Variants in ARPP21 observed in about 807,000 individuals in gnomAD.
The protein encoded by ARPP21 is cAMP regulated phosphoprotein 21, also known as cAMP-regulated phosphoprotein 21.
Under a neutral mutation model 113.2 loss-of-function variants are expected in ARPP21, and 69 were observed. The observed-to-expected ratio is 0.61, with a 90% CI of 0.50 to 0.74. The LOEUF (loss-of-function observed/expected upper bound fraction) is 0.74. Ranked by LOEUF, ARPP21 falls within the 30% of genes least tolerant of loss-of-function variation. ARPP21 has a pLI of 0.00. For synonymous variants in ARPP21, 368 were observed against 375.5 expected (o/e 0.98, Z 0.23); for missense variants, 1,070 against 1,037.4 (o/e 1.03, Z -0.43).
At chr3:35,683,694 C>T (rs2079649340) in intron 4 of ARPP21, 32 bp from the exon 5 acceptor site, 2 of 838,666 alleles carry the variant, frequency 2.4e-6, no homozygotes, top group South Asian at 1.4e-5. Context: ...TCTTTATTTT[C>T]CTTTCCTTCC....
chr3:35,646,524 T>C (rs1365389220), intron 1 of ARPP21, among the ~76,000 whole-genome samples: 2 of 152,124 alleles, frequency 1.3e-5, no homozygotes, highest in Non-Finnish European at 2.9e-5. Context: ...TCAATGCTTC[T>C]TTAAAACAAT....
intron 2 of ARPP21, 47 bp from the exon 3 acceptor site, chr3:35,681,667 G>A (rs2078973690): frequency 1.0e-6 from 1 of 967,130 alleles, no homozygotes. Flanking sequence ...AAGAATGATA[G>A]TAAATACCTT....
intron 19 of ARPP21, among the ~76,000 whole-genome samples, chr3:35,756,552 T>A (rs2095577875): frequency 6.6e-6 from 1 of 151,954 alleles, no homozygotes; most frequent in Non-Finnish European, 1.5e-5. Flanking sequence ...ATAGTTTTGA[T>A]GGCTCTTCAG....
At chr3:35,707,126 A>T in intron 10 of ARPP21, 44 bp downstream of exon 10, 1 of 1,466,292 alleles carries the variant, frequency 6.8e-7, no homozygotes. Flanking sequence ...TTGTTTTTGA[A>T]GGTGGGCTGA....
chr3:35,646,026 G>A (rs1466021264), intron 1 of ARPP21, among the ~76,000 whole-genome samples: 2 of 151,668 alleles, frequency 1.3e-5, no homozygotes, highest in East Asian at 1.9e-4. Context: ...GCTTTGACAC[G>A]TAAATCAGAA....
intron 1 of ARPP21, among the ~76,000 whole-genome samples, chr3:35,673,408 G>T (rs1018955729): frequency 3.9e-5 from 6 of 151,902 alleles, no homozygotes; most frequent in African/African-American, 1.5e-4. Flanking sequence ...TGCTGTTAAG[G>T]AGGGAGCTGA....
chr3:35,765,245 A>AT (rs2095923319), intron 19 of ARPP21, among the ~76,000 whole-genome samples: 1 of 152,082 alleles, frequency 6.6e-6, no homozygotes, highest in Non-Finnish European at 1.5e-5. Flanking sequence ...ATCTGTCAAA[A>AT]TGTCAAATTC....
Position 35,729,411 on chromosome 3 carries a change from G to A in ARPP21, c.1334G>A (p.Cys445Tyr). 2 of 1,614,136 alleles carry A rather than the reference G, an allele frequency of 1.2e-6. No homozygotes were observed. Among genetic ancestry groups the A allele is most frequent in the Non-Finnish European group, 1.7e-6 (2 of 1,180,028 alleles). ...GGTGTGGCAGCTGGCTCTCCAGGCT[G>A]TGTGCCTTATCCAGAGAATGGAATA... ...VSGVAAGSPG[C>Y]VPYPENGIGG... Residue 445 changes from cysteine (C) to tyrosine (Y), a missense_variant, in exon 15 of 21, where the codon TGT becomes TAT. Transcript: ENST00000684406.
At chr3:35,727,595 A>T (rs2093629211) in intron 14 of ARPP21, among the ~76,000 whole-genome samples, 1 of 152,206 alleles carries the variant, frequency 6.6e-6, no homozygotes, top group Non-Finnish European at 1.5e-5. Flanking sequence ...TTAGTGATGG[A>T]TTATATATTT....
chr3:35,759,378 T>A (rs1178197182), intron 19 of ARPP21, among the ~76,000 whole-genome samples: 2 of 152,222 alleles, frequency 1.3e-5, no homozygotes, highest in African/African-American at 2.4e-5. Context: ...CTCAGAGCAA[T>A]GACATAATAT....
intron 19 of ARPP21, among the ~76,000 whole-genome samples, chr3:35,777,860 A>G (rs963273887): frequency 7.2e-5 from 11 of 152,200 alleles, no homozygotes; most frequent in African/African-American, 1.9e-4. Context: ...AAACAGTAAC[A>G]TTGCTTAATA....
chr3:35,749,384 A>G (rs1473770420), intron 19 of ARPP21, among the ~76,000 whole-genome samples: 5 of 149,190 alleles, frequency 3.4e-5, no homozygotes, highest in African/African-American at 1.0e-4. Context: ...AAAGAAATAT[A>G]CTTAGCTTCA....
At chr3:35,792,312 A>T in intron 19 of ARPP21, 70 bp from the exon 20 acceptor site, 1 of 1,393,146 alleles carries the variant, frequency 7.2e-7, no homozygotes, top group South Asian at 1.2e-5. Context: ...TTGAACCAGT[A>T]GTTTTACCCC....
At chr3:35,687,366 G>A (rs1021699754) in intron 5 of ARPP21, among the ~76,000 whole-genome samples, 2 of 150,626 alleles carry the variant, frequency 1.3e-5, no homozygotes, top group South Asian at 2.1e-4. Flanking sequence ...ATAGAACTAC[G>A]GAGGACTTTT....
At chr3:35,695,080 A>T (rs1274140658) in intron 9 of ARPP21, among the ~76,000 whole-genome samples, 1 of 151,290 alleles carries the variant, frequency 6.6e-6, no homozygotes, top group African/African-American at 2.4e-5. Context: ...TGTTCGTAAG[A>T]GGGGGTGAAC....
intron 14 of ARPP21, among the ~76,000 whole-genome samples, chr3:35,722,417 C>A (rs77311260): frequency 0.015 from 2,300 of 152,212 alleles, 18 homozygotes; most frequent in Non-Finnish European, 0.026. Flanking sequence ...ATAATAGTAC[C>A]TATATTGTAG....
chr3:35,758,890 G>C (rs529112756), intron 19 of ARPP21, among the ~76,000 whole-genome samples: 172 of 152,088 alleles, frequency 1.1e-3, no homozygotes, highest in Non-Finnish European at 2.1e-3. Context: ...ATGTGTGTGT[G>C]GGTGGTGGGT....
chr3:35,660,702 T>G (rs11129663), intron 1 of ARPP21, among the ~76,000 whole-genome samples: 3 of 152,138 alleles, frequency 2.0e-5, no homozygotes, highest in Admixed American at 6.5e-5. Context: ...TTGATGGGTA[T>G]TTATCAGTAA....
chr3:35,751,086 T>C (rs981892621), intron 19 of ARPP21, among the ~76,000 whole-genome samples: 2 of 152,086 alleles, frequency 1.3e-5, no homozygotes, highest in Non-Finnish European at 1.5e-5. Context: ...GCCGTGAAGA[T>C]AGAACAATAC....
Sources: gnomAD v4.1 joint callset for allele counts (sites outside exome capture counted in the v4.1 genomes callset) on GRCh38, gnomAD v4.1.1 for gene constraint, MANE v1.5 for transcripts, NCBI Gene and HGNC (gene_info 2026-07-23, HGNC 2026-07-21) for gene names.